Variants in REV3L observed in about 807,000 individuals in gnomAD.
The protein encoded by REV3L is REV3 like, DNA directed polymerase zeta catalytic subunit.
Under a neutral mutation model 299.4 loss-of-function variants are expected in REV3L, and 69 were observed. That is an observed-to-expected ratio of 0.23 (90% confidence interval 0.19 to 0.28). The LOEUF (loss-of-function observed/expected upper bound fraction) is 0.28, where lower values mean the gene tolerates loss of function less well. REV3L is among the 10% of genes least tolerant of loss of function. The pLI is 1.00. For missense variants in REV3L, 3,128 were observed against 3,693.8 expected, an observed-to-expected ratio of 0.85 and a Z score of 3.97; for synonymous variants, 1,238 against 1,271.4, an observed-to-expected ratio of 0.97 and a Z score of 0.56.
At chr6:111,390,588 G>C (rs921182175) in intron 5 of REV3L, among the ~76,000 whole-genome samples, 10 of 152,052 alleles carry the variant, frequency 6.6e-5, no homozygotes, top group Admixed American at 6.6e-4. Context: ...CAAAAAACAA[G>C]GGAGAACATG....
At chr6:111,354,158 A>G (rs1311932739) in intron 18 of REV3L, 1 of 152,184 alleles carries the variant, frequency 6.6e-6, no homozygotes, top group Non-Finnish European at 1.5e-5. Flanking sequence ...CACAGCTACA[A>G]CATGAAGAGG....
At chr6:111,395,830 A>C (rs1782441514) in intron 4 of REV3L, among the ~76,000 whole-genome samples, 1 of 152,136 alleles carries the variant, frequency 6.6e-6, no homozygotes, top group Admixed American at 6.6e-5. Flanking sequence ...TGGGTTTTTC[A>C]GACATGATGT....
chr6:111,351,244 A>C (rs375848266), intron 19 of REV3L, among the ~76,000 whole-genome samples: 1 of 151,886 alleles, frequency 6.6e-6, no homozygotes, highest in East Asian at 1.9e-4. Context: ...AAAATGGATT[A>C]AAAAAAACAG....
rs559113948 is a variant in REV3L, at chr6:111,470,373, A to G, written c.139+12377T>C. Among the ~76,000 whole-genome samples the G allele has an allele frequency of 5.3e-5, 8 of 152,326 alleles. No homozygotes were observed. The South Asian group carries it at 1.7e-3, about 32-fold the overall frequency. ...ACATGTTTTCTCATTTAATCCTCAC[A>G]TGGTATGAGGTAAACATTATGCTGC... On this transcript the variant is annotated intron_variant, in intron 1 of 31. Transcript: ENST00000368802.
chr6:111,313,615 G>T, intron 27 of REV3L, 126 bp from the exon 28 acceptor site: 1 of 927,136 alleles, frequency 1.1e-6, no homozygotes, highest in Non-Finnish European at 1.5e-6. Flanking sequence ...ATATGACTTT[G>T]GGCCCAACAA....
At chr6:111,399,014 TC>T (rs753665945) in intron 4 of REV3L, among the ~76,000 whole-genome samples, 35 of 152,164 alleles carry the variant, frequency 2.3e-4, no homozygotes, top group Non-Finnish European at 4.1e-4. Flanking sequence ...TGTAAACACT[TC>T]CGATATTCTG....
intron 4 of REV3L, among the ~76,000 whole-genome samples, chr6:111,395,818 T>G (rs1219323414): frequency 6.6e-6 from 1 of 152,178 alleles, no homozygotes; most frequent in East Asian, 1.9e-4. Context: ...AGATGTTAAA[T>G]GTGGGTTTTT....
At chr6:111,465,540 C>T (rs1305966858) in intron 1 of REV3L, among the ~76,000 whole-genome samples, 1 of 151,294 alleles carries the variant, frequency 6.6e-6, no homozygotes, top group African/African-American at 2.4e-5. Flanking sequence ...TTGAGACAAG[C>T]CAGACCAACA....
At chr6:111,463,324 A>C (rs547590591) in intron 1 of REV3L, among the ~76,000 whole-genome samples, 1 of 152,334 alleles carries the variant, frequency 6.6e-6, no homozygotes, top group Admixed American at 6.5e-5. Context: ...AGTTAAGCCA[A>C]GGCCAAAACT....
chr6:111,397,139 ATTTC>A (rs1782597861), intron 4 of REV3L, among the ~76,000 whole-genome samples: 1 of 143,008 alleles, frequency 7.0e-6, no homozygotes, highest in South Asian at 2.2e-4. Flanking sequence ...GATCTTTATT[ATTTC>A]TTTTCTTCTT....
intron 26 of REV3L, among the ~76,000 whole-genome samples, chr6:111,320,003 T>A (rs544356423): frequency 3.6e-4 from 54 of 151,536 alleles, no homozygotes; most frequent in African/African-American, 1.3e-3. Context: ...CTAATTTTTT[T>A]AATTTTTAGT....
At chr6:111,445,011 C>T (rs1056117989) in intron 1 of REV3L, among the ~76,000 whole-genome samples, 1 of 152,144 alleles carries the variant, frequency 6.6e-6, no homozygotes, top group Non-Finnish European at 1.5e-5. Flanking sequence ...GTCAAGCAAC[C>T]GATCACCTCA....
chr6:111,421,437 G>A (rs563555276), intron 1 of REV3L, among the ~76,000 whole-genome samples: 7 of 152,236 alleles, frequency 4.6e-5, no homozygotes, highest in Admixed American at 2.0e-4. Flanking sequence ...TAACTCTGCT[G>A]TTGTAGCCTG....
At chr6:111,377,058 G>A (rs1052625434) in intron 12 of REV3L, among the ~76,000 whole-genome samples, 1 of 152,094 alleles carries the variant, frequency 6.6e-6, no homozygotes, top group African/African-American at 2.4e-5. Context: ...AAAATAATAT[G>A]CTTTACATTA....
intron 20 of REV3L, chr6:111,348,990 T>C (rs968100862): frequency 9.3e-6 from 3 of 322,956 alleles, no homozygotes; most frequent in Non-Finnish European, 1.7e-5. Context: ...TTTCTAGTTA[T>C]TGCTACCTTA....
intron 1 of REV3L, among the ~76,000 whole-genome samples, chr6:111,447,637 C>T (rs1789011709): frequency 6.6e-6 from 1 of 152,134 alleles, no homozygotes; most frequent in African/African-American, 2.4e-5. Context: ...TTTGGTGCAA[C>T]TACCTCCTGC....
At chr6:111,434,719 G>GA (rs988970774) in intron 1 of REV3L, among the ~76,000 whole-genome samples, 11 of 147,500 alleles carry the variant, frequency 7.5e-5, no homozygotes, top group African/African-American at 1.8e-4. Context: ...CAAACAATCT[G>GA]AAAAAAAAAT....
intron 1 of REV3L, among the ~76,000 whole-genome samples, chr6:111,481,759 C>CA (rs909801918): frequency 1.4e-4 from 22 of 152,128 alleles, no homozygotes; most frequent in Non-Finnish European, 2.8e-4. Flanking sequence ...TCAAAGCATG[C>CA]AAAAAAGCAA....
At chr6:111,360,827 A>G (rs1778579022) in intron 16 of REV3L, 1 of 152,154 alleles carries the variant, frequency 6.6e-6, no homozygotes, top group East Asian at 1.9e-4. Context: ...TGTATAAGGC[A>G]TAATAATAAA....
Sources: allele counts gnomAD v4.1 joint callset (sites outside exome capture counted in the v4.1 genomes callset), GRCh38; gene constraint gnomAD v4.1.1; transcripts MANE v1.5; gene names NCBI Gene and HGNC (gene_info 2026-07-23, HGNC 2026-07-21).